Variants in MAP4K3 observed in about 807,000 individuals in gnomAD.
MAP4K3 encodes MAPK/ERK kinase kinase kinase 3.
MAP4K3 carries 94 observed loss-of-function variants against 143.5 expected under a neutral mutation model. The ratio of observed to expected loss-of-function variants is 0.65; its 90% CI spans 0.55 to 0.78. The LOEUF (loss-of-function observed/expected upper bound fraction) is 0.78, where lower values mean the gene tolerates loss of function less well. Among genes scored for constraint, MAP4K3 ranks in the 30% least tolerant of loss-of-function variants. MAP4K3 has a pLI of 0.00. For synonymous variants in MAP4K3, 416 were observed against 347.2 expected (o/e 1.20, Z -2.20); for missense variants, 1,077 against 1,068.1 (o/e 1.01, Z -0.12).
rs765687547 is a variant in MAP4K3 at position 39,326,097 on chromosome 2, A to C, written c.662+49T>G. 50 of 1,589,090 alleles carry C rather than the reference A, an allele frequency of 3.1e-5. No homozygotes were observed. The African/African-American group carries it at 5.3e-4, about 17-fold the overall frequency. On this transcript the variant is annotated intron_variant, in intron 9 of 33. Transcript: ENST00000263881. ...ATTACTTGTTCATGACAGCATACTA[A>C]GAGGATAAAAACCTTAAGCGTAAGA...
intron 3 of MAP4K3, among the ~76,000 whole-genome samples, chr2:39,349,457 G>A (rs954134925): frequency 6.6e-6 from 1 of 152,100 alleles, no homozygotes; most frequent in Non-Finnish European, 1.5e-5. Context: ...TTTCCAAAGG[G>A]TGGGCCACTG....
chr2:39,344,012 C>T (rs1430882967), intron 3 of MAP4K3, among the ~76,000 whole-genome samples: 1 of 152,098 alleles, frequency 6.6e-6, no homozygotes, highest in Non-Finnish European at 1.5e-5. Context: ...TAGGTCATTC[C>T]TTTGTTCAGT....
chr2:39,314,089 G>C (rs1413888189), intron 13 of MAP4K3, among the ~76,000 whole-genome samples: 1 of 151,978 alleles, frequency 6.6e-6, no homozygotes, highest in East Asian at 1.9e-4. Flanking sequence ...GAGTGCAGTG[G>C]CAGGATTTCA....
chr2:39,258,321 G>A, intron 31 of MAP4K3, 27 bp downstream of exon 31: 1 of 1,406,428 alleles, frequency 7.1e-7, no homozygotes, highest in Non-Finnish European at 9.9e-7. Flanking sequence ...AGTTCATAAT[G>A]CAAAGAATTA....
intron 3 of MAP4K3, among the ~76,000 whole-genome samples, chr2:39,344,817 T>C (rs754191397): frequency 1.3e-5 from 2 of 152,098 alleles, no homozygotes; most frequent in Non-Finnish European, 2.9e-5. Context: ...TGCAAAAGAA[T>C]GAAAACTTGA....
chr2:39,274,644 A>T (rs1172248007), intron 24 of MAP4K3, among the ~76,000 whole-genome samples: 1 of 152,204 alleles, frequency 6.6e-6, no homozygotes, highest in Admixed American at 6.5e-5. Flanking sequence ...TATAACAGTT[A>T]AGAAGGGTAG....
At chr2:39,368,737 G>A (rs778974310) in intron 2 of MAP4K3, among the ~76,000 whole-genome samples, 3 of 151,998 alleles carry the variant, frequency 2.0e-5, no homozygotes, top group Non-Finnish European at 4.4e-5. Flanking sequence ...AATTTTGGAC[G>A]TTTTTAATTT....
chr2:39,299,841 T>C (rs774029971), intron 15 of MAP4K3, 40 bp from the exon 16 acceptor site: 2 of 992,368 alleles, frequency 2.0e-6, no homozygotes, highest in Admixed American at 2.4e-5. Context: ...AATAGTAGTA[T>C]ATGACACACC....
intron 1 of MAP4K3, among the ~76,000 whole-genome samples, chr2:39,387,135 G>C (rs1220702006): frequency 6.6e-6 from 1 of 151,950 alleles, no homozygotes; most frequent in Admixed American, 6.6e-5. Context: ...TAGTTTTATA[G>C]TAAATTTTAA....
intron 16 of MAP4K3, chr2:39,294,070 G>C (rs1272098012): frequency 6.6e-6 from 1 of 152,172 alleles, no homozygotes; most frequent in African/African-American, 2.4e-5. Flanking sequence ...ATAAAGACTC[G>C]ATAGACTTCT....
At chr2:39,323,225 G>A (rs1251727735) in intron 12 of MAP4K3, 1 of 152,084 alleles carries the variant, frequency 6.6e-6, no homozygotes, top group Non-Finnish European at 1.5e-5. Flanking sequence ...ATAGAGATTT[G>A]TAACAATTTA....
chr2:39,433,030 G>C (rs1665341912), intron 1 of MAP4K3, among the ~76,000 whole-genome samples: 1 of 152,224 alleles, frequency 6.6e-6, no homozygotes, highest in African/African-American at 2.4e-5. Flanking sequence ...TTTGGAGTTT[G>C]CTAGGTTAAG....
chr2:39,406,923 C>G (rs1022174838), intron 1 of MAP4K3, among the ~76,000 whole-genome samples: 1 of 152,114 alleles, frequency 6.6e-6, no homozygotes, highest in African/African-American at 2.4e-5. Context: ...ATTCTGATAA[C>G]AAGACACAGA....
intron 2 of MAP4K3, among the ~76,000 whole-genome samples, chr2:39,365,477 G>T (rs912282183): frequency 8.1e-6 from 1 of 123,634 alleles, no homozygotes; most frequent in Non-Finnish European, 1.6e-5. Context: ...TCGCTCTGTC[G>T]CCCAGGCCGG....
intron 1 of MAP4K3, among the ~76,000 whole-genome samples, chr2:39,424,271 A>C (rs1664990294): frequency 6.6e-6 from 1 of 152,112 alleles, no homozygotes; most frequent in African/African-American, 2.4e-5. Context: ...CAAATGTATC[A>C]CACTGAATTA....
chr2:39,388,822 C>A (rs1666577928), intron 1 of MAP4K3, among the ~76,000 whole-genome samples: 1 of 152,116 alleles, frequency 6.6e-6, no homozygotes, highest in Non-Finnish European at 1.5e-5. Context: ...ACACAAGGCA[C>A]CTGGCAGAGG....
At chr2:39,306,097 G>T (rs141391714) in intron 15 of MAP4K3, among the ~76,000 whole-genome samples, 2,468 of 152,158 alleles carry the variant, frequency 0.016, 28 homozygotes, top group Non-Finnish European at 0.022. Context: ...CAAACTGCTG[G>T]GATTACAGGC....
intron 31 of MAP4K3, among the ~76,000 whole-genome samples, chr2:39,256,899 C>T (rs1464009665): frequency 1.3e-5 from 2 of 152,150 alleles, no homozygotes; most frequent in East Asian, 3.8e-4. Flanking sequence ...GTAACTGGAG[C>T]CCAGCAGGCC....
chr2:39,265,328 T>C (rs374536891), intron 27 of MAP4K3, 22 bp from the exon 28 acceptor site: 17 of 1,370,180 alleles, frequency 1.2e-5, no homozygotes, highest in East Asian at 2.3e-5. Flanking sequence ...AAAATATAAA[T>C]GAGTTCTCTT....
Sources: gnomAD v4.1 joint callset for allele counts (sites outside exome capture counted in the v4.1 genomes callset) on GRCh38, gnomAD v4.1.1 for gene constraint, MANE v1.5 for transcripts, NCBI Gene and HGNC (gene_info 2026-07-23, HGNC 2026-07-21) for gene names.